The following AFG1L variants were observed in gnomAD, a reference collection of about 807,000 sequenced individuals.
The protein encoded by AFG1L is AFG1-like ATPase.
Under a neutral mutation model 62.2 loss-of-function variants are expected in AFG1L, and 53 were observed. That is an observed-to-expected ratio of 0.85 (90% confidence interval 0.68 to 1.07). The LOEUF (loss-of-function observed/expected upper bound fraction) is 1.07. Ranked by LOEUF, AFG1L falls within the 50% of genes least tolerant of loss-of-function variation. AFG1L has a pLI of 0.00. For missense variants in AFG1L, 555 were observed against 590.5 expected (o/e 0.94, Z 0.62); for synonymous variants, 228 against 210.3 (o/e 1.08, Z -0.73).
At chr6:108,355,584 A>G in intron 3 of AFG1L, 70 bp from the exon 4 acceptor site, 1 of 745,992 alleles carries the variant, frequency 1.3e-6, no homozygotes, top group South Asian at 2.2e-5. Context: ...TCTCAAAGCT[A>G]ATGAACAATC....
intron 12 of AFG1L, chr6:108,521,485 T>G (rs1361664060): frequency 6.6e-6 from 1 of 151,928 alleles, no homozygotes; most frequent in Non-Finnish European, 1.5e-5. Context: ...GGTGACAGAG[T>G]GAGACCCTAT....
intron 6 of AFG1L, among the ~76,000 whole-genome samples, chr6:108,371,121 C>T (rs1779984221): frequency 6.6e-6 from 1 of 152,144 alleles, no homozygotes; most frequent in Non-Finnish European, 1.5e-5. Flanking sequence ...CCTCTGTACA[C>T]CATGCAGCTG....
intron 1 of AFG1L, among the ~76,000 whole-genome samples, chr6:108,312,828 T>C (rs1317565952): frequency 6.6e-5 from 10 of 151,954 alleles, no homozygotes; most frequent in Non-Finnish European, 1.2e-4. Context: ...GCAGTGGTGC[T>C]ATCATAGATC....
Position 108,498,806 on chromosome 6 carries a change from C to A in AFG1L, c.1063-11406C>A, listed in dbSNP as rs143827201. ...CCTGACCAACATGGTGAAACCCTGT[C>A]TCTACTAAAAATACAAAAATTAGAC... is the stretch of plus-strand genomic sequence containing the variant. On this transcript the variant is annotated intron_variant, in intron 10 of 12. Coordinates refer to ENST00000368977, the MANE Select transcript of AFG1L (RefSeq NM_145315.5). Among the ~76,000 whole-genome samples the A allele has an allele frequency of 1.6e-4, 24 of 152,120 alleles. No homozygotes were observed. In the East Asian group the frequency reaches 4.7e-3, roughly 30 times the overall value.
At chr6:108,395,403 C>CTTTTTTTTTT (rs71551344) in intron 6 of AFG1L, among the ~76,000 whole-genome samples, 21 of 122,932 alleles carry the variant, frequency 1.7e-4, no homozygotes, top group Non-Finnish European at 2.3e-4. Context: ...CTTTTCTTTT[C>CTTTTTTTTTT]TTTTTTTTTT....
At chr6:108,481,004 G>A (rs1773304109) in intron 10 of AFG1L, among the ~76,000 whole-genome samples, 1 of 152,222 alleles carries the variant, frequency 6.6e-6, no homozygotes, top group South Asian at 2.1e-4. Context: ...CCACTGGGAA[G>A]TCCAGCTACG....
chr6:108,430,895 AT>A (rs1771041106), intron 7 of AFG1L, among the ~76,000 whole-genome samples: 1 of 152,072 alleles, frequency 6.6e-6, no homozygotes, highest in Non-Finnish European at 1.5e-5. Flanking sequence ...TAACATTAGG[AT>A]TTTTTGTTTC....
chr6:108,389,539 T>C (rs986278475), intron 6 of AFG1L, among the ~76,000 whole-genome samples: 4 of 152,214 alleles, frequency 2.6e-5, no homozygotes, highest in Non-Finnish European at 4.4e-5. Context: ...CCATGTTTAG[T>C]GCTTCCTTCA....
chr6:108,312,858 A>C (rs1301040782), intron 1 of AFG1L, among the ~76,000 whole-genome samples: 1 of 151,742 alleles, frequency 6.6e-6, no homozygotes, highest in Non-Finnish European at 1.5e-5. Context: ...TGTGGCCTTG[A>C]ACTCCTGTGC....
intron 6 of AFG1L, among the ~76,000 whole-genome samples, chr6:108,381,995 C>CTTTTT (rs1227478281): frequency 1.4e-5 from 2 of 138,194 alleles, no homozygotes; most frequent in African/African-American, 5.7e-5. Flanking sequence ...TTTTTATTCA[C>CTTTTT]TGTTTTTTTT....
intron 10 of AFG1L, among the ~76,000 whole-genome samples, chr6:108,480,791 C>CAATAAATA (rs549105207): frequency 1.3e-5 from 2 of 151,870 alleles, no homozygotes; most frequent in Admixed American, 6.6e-5. Context: ...GACTCTGTCT[C>CAATAAATA]AATAAATAAA....
chr6:108,400,903 G>T (rs1781571492), intron 6 of AFG1L, among the ~76,000 whole-genome samples: 1 of 139,218 alleles, frequency 7.2e-6, no homozygotes, highest in Admixed American at 7.8e-5. Context: ...TATATATAAT[G>T]CAAATACATG....
intron 2 of AFG1L, among the ~76,000 whole-genome samples, chr6:108,344,554 C>T (rs1172746427): frequency 6.6e-6 from 1 of 152,114 alleles, no homozygotes; most frequent in Non-Finnish European, 1.5e-5. Context: ...CCACTGCACT[C>T]CAGCCTGGAT....
intron 1 of AFG1L, among the ~76,000 whole-genome samples, chr6:108,320,059 T>A (rs1363187985): frequency 6.6e-6 from 1 of 152,102 alleles, no homozygotes; most frequent in African/African-American, 2.4e-5. Flanking sequence ...GGTACAGCTA[T>A]TAAAAAATAA....
In AFG1L at chr6:108,524,593, A is replaced by C. The variant is rs1278916414; in HGVS notation, c.*2168A>C. 1 of 152,230 alleles carries C rather than the reference A, an allele frequency of 6.6e-6. No homozygotes were observed. Among genetic ancestry groups the C allele is most frequent in the Non-Finnish European group, 1.5e-5 (1 of 68,038 alleles). The allele number at this position is 152,230 out of a possible 1,614,324, so 9.4% of individuals were successfully genotyped here. On this transcript the variant is annotated 3_prime_UTR_variant, in exon 13 of 13. Transcript: ENST00000368977. The stretch of plus-strand genomic sequence containing the variant: ...AACCCTGAGAAAAAAACTGTAGCTC[A>C]GTCTCCACCTAAGTAACTGGAGCAT...
intron 7 of AFG1L, among the ~76,000 whole-genome samples, chr6:108,435,956 AG>A (rs1771290130): frequency 6.6e-6 from 1 of 152,226 alleles, no homozygotes; most frequent in African/African-American, 2.4e-5. Flanking sequence ...TGTGCTAGAT[AG>A]TAACTGCTGA....
chr6:108,460,762 C>T (rs578203447), intron 8 of AFG1L, among the ~76,000 whole-genome samples: 1 of 152,248 alleles, frequency 6.6e-6, no homozygotes, highest in African/African-American at 2.4e-5. Context: ...TTGAGACCAT[C>T]CTGGCTAACA....
chr6:108,464,199 G>A (rs1006613305), intron 8 of AFG1L, among the ~76,000 whole-genome samples: 1 of 152,134 alleles, frequency 6.6e-6, no homozygotes, highest in Non-Finnish European at 1.5e-5. Context: ...TAATGAAGTA[G>A]GAGGTTCTTG....
intron 8 of AFG1L, among the ~76,000 whole-genome samples, chr6:108,469,986 C>T (rs952145249): frequency 1.1e-4 from 16 of 152,112 alleles, no homozygotes; most frequent in Non-Finnish European, 5.9e-5. Context: ...AACAAATACC[C>T]GTTTGCAGCC....
Sources: allele counts gnomAD v4.1 joint callset (sites outside exome capture counted in the v4.1 genomes callset), GRCh38; gene constraint gnomAD v4.1.1; transcripts MANE v1.5; gene names NCBI Gene and HGNC (gene_info 2026-07-23, HGNC 2026-07-21).